Variants in ATG5 observed in about 807,000 individuals in gnomAD.
ATG5 encodes the protein autophagy protein 5.
Under a neutral mutation model 36.5 loss-of-function variants are expected in ATG5, and 14 were observed. That is an observed-to-expected ratio of 0.38 (90% CI 0.25 to 0.60). The LOEUF (loss-of-function observed/expected upper bound fraction) is 0.60, where lower values mean the gene tolerates loss of function less well. Ranked by LOEUF, ATG5 falls within the 20% of genes least tolerant of loss-of-function variation. The probability of loss-of-function intolerance (pLI) is 0.60; values close to 1 mark genes in which losing one functional copy is unlikely to be tolerated. For synonymous variants in ATG5, 95 were observed against 101.5 expected (o/e 0.94, Z 0.38); for missense variants, 195 against 326.7 (o/e 0.60, Z 3.11).
intron 5 of ATG5, among the ~76,000 whole-genome samples, chr6:106,255,110 A>G (rs1334447327): frequency 2.0e-5 from 3 of 152,216 alleles, no homozygotes. Context: ...ATCTCCAGCC[A>G]TATCATGTAA....
At chr6:106,195,882 G>C (rs1049585546) in intron 7 of ATG5, among the ~76,000 whole-genome samples, 2 of 148,928 alleles carry the variant, frequency 1.3e-5, no homozygotes, top group African/African-American at 4.9e-5. Flanking sequence ...TGTACACGTA[G>C]AGCAGCCTAG....
chr6:106,263,063 C>A (rs1403098417), intron 5 of ATG5, among the ~76,000 whole-genome samples: 1 of 152,220 alleles, frequency 6.6e-6, no homozygotes, highest in Non-Finnish European at 1.5e-5. Context: ...GGGTCCCACT[C>A]CTACGGAGCC....
chr6:106,294,880 C>T (rs1386331267), intron 3 of ATG5, among the ~76,000 whole-genome samples: 2 of 147,244 alleles, frequency 1.4e-5, no homozygotes, highest in South Asian at 2.2e-4. Context: ...GATGAACGCC[C>T]GGTCGGTAAA....
chr6:106,287,309 C>T (rs1295467705), intron 4 of ATG5, among the ~76,000 whole-genome samples: 1 of 152,196 alleles, frequency 6.6e-6, no homozygotes, highest in African/African-American at 2.4e-5. Flanking sequence ...CTTGCTCAGT[C>T]ACACAAAAAT....
chr6:106,318,377 C>T (rs1770938719), intron 1 of ATG5, among the ~76,000 whole-genome samples: 1 of 152,172 alleles, frequency 6.6e-6, no homozygotes, highest in Non-Finnish European at 1.5e-5. Flanking sequence ...TTCTCCCTTC[C>T]ACATGTCACG....
intron 3 of ATG5, among the ~76,000 whole-genome samples, chr6:106,294,184 A>G (rs915827631): frequency 6.6e-6 from 1 of 152,164 alleles, no homozygotes; most frequent in African/African-American, 2.4e-5. Flanking sequence ...AAAGAAGACT[A>G]CTTGGTGTTA....
chr6:106,324,735 C>G (rs1034165764), intron 1 of ATG5, among the ~76,000 whole-genome samples: 2 of 152,206 alleles, frequency 1.3e-5, no homozygotes, highest in African/African-American at 4.8e-5. Context: ...AGGCTTAAAT[C>G]TGGTGTAAAA....
At chr6:106,242,613 C>T (rs1778172963) in intron 6 of ATG5, among the ~76,000 whole-genome samples, 1 of 151,104 alleles carries the variant, frequency 6.6e-6, no homozygotes. Context: ...AGGAAAAATA[C>T]TATAAATAAC....
chr6:106,269,974 A>T (rs557082405), intron 5 of ATG5, among the ~76,000 whole-genome samples: 48 of 152,330 alleles, frequency 3.2e-4, no homozygotes, highest in African/African-American at 1.2e-3. Flanking sequence ...TCATTAGTAT[A>T]ATCTGTATTG....
chr6:106,313,453 T>C (rs1582689200), intron 2 of ATG5, among the ~76,000 whole-genome samples: 2 of 152,230 alleles, frequency 1.3e-5, no homozygotes, highest in African/African-American at 4.8e-5. Context: ...GGTCCAATCA[T>C]GATTTCCTCT....
chr6:106,250,098 T>C (rs1162174836), intron 5 of ATG5, among the ~76,000 whole-genome samples: 1 of 152,172 alleles, frequency 6.6e-6, no homozygotes, highest in Non-Finnish European at 1.5e-5. Flanking sequence ...TAATAAAATA[T>C]TTTATATTCA....
At chr6:106,287,327 G>A (rs1414258363) in intron 4 of ATG5, among the ~76,000 whole-genome samples, 2 of 152,182 alleles carry the variant, frequency 1.3e-5, no homozygotes, top group Non-Finnish European at 2.9e-5. Flanking sequence ...AATACTCAAG[G>A]AACAGTCAGG....
At chr6:106,258,493 T>C (rs954529614) in intron 5 of ATG5, among the ~76,000 whole-genome samples, 1 of 152,320 alleles carries the variant, frequency 6.6e-6, no homozygotes, top group South Asian at 2.1e-4. Context: ...CAATAACTTA[T>C]ACACTTGTAA....
At chr6:106,187,058 T>G (rs762224258) in intron 7 of ATG5, among the ~76,000 whole-genome samples, 38 of 152,202 alleles carry the variant, frequency 2.5e-4, no homozygotes, top group Non-Finnish European at 4.7e-4. Context: ...GACAAGTACA[T>G]GAAGTCGGTC....
At chr6:106,257,780 A>C (rs1778855849) in intron 5 of ATG5, among the ~76,000 whole-genome samples, 1 of 152,200 alleles carries the variant, frequency 6.6e-6, no homozygotes, top group Non-Finnish European at 1.5e-5. Flanking sequence ...TACATGGAAA[A>C]TACCTCTATA....
chr6:106,288,956 G>A (rs549058326), intron 4 of ATG5, among the ~76,000 whole-genome samples: 1 of 152,142 alleles, frequency 6.6e-6, no homozygotes, highest in Admixed American at 6.5e-5. Flanking sequence ...GTGTGGCAGA[G>A]GCAACAGGAT....
At chr6:106,242,257 T>C (rs113391640) in intron 6 of ATG5, among the ~76,000 whole-genome samples, 1 of 152,006 alleles carries the variant, frequency 6.6e-6, no homozygotes, top group African/African-American at 2.4e-5. Context: ...TGAGATTACA[T>C]GTGTGAGCCA....
chr6:106,318,602 T>G lies in ATG5; in HGVS notation c.-58-2336A>C, dbSNP rs148877741. 4.4e-3 allele frequency among the ~76,000 whole-genome samples: 676 copies of G among 152,320 alleles called. 4 individuals are homozygous for G. Among genetic ancestry groups the G allele is most frequent in the African/African-American group, 0.015 (638 of 41,576 alleles). On this transcript the variant is annotated intron_variant, in intron 1 of 7. Transcript: ENST00000369076. ...TACTTTATTTCCCATATACCATTGTTGCTTACATGTATATTTTTTGCAAGA... is the reference window on the plus strand; with the variant it reads ...TACTTTATTTCCCATATACCATTGTGGCTTACATGTATATTTTTTGCAAGA...
In ATG5 at chr6:106,296,319, G is replaced by A. The variant is rs573491272; in HGVS notation, c.237-3213C>T. ...ATTTTAGGGTCTTAATGATCTTATT[G>A]TTTCCTATGTATCAAAACATTTTAC... On this transcript the variant is annotated intron_variant, in intron 3 of 7. Coordinates refer to ENST00000369076, the MANE Select transcript of ATG5 (RefSeq NM_004849.4). Among the ~76,000 whole-genome samples, 123 of 151,790 alleles carry A rather than the reference G, an allele frequency of 8.1e-4. 3 individuals are homozygous for A. In the South Asian group the frequency reaches 0.025, roughly 31 times the overall value.
Sources: gnomAD v4.1 joint callset for allele counts (sites outside exome capture counted in the v4.1 genomes callset) on GRCh38, gnomAD v4.1.1 for gene constraint, MANE v1.5 for transcripts, NCBI Gene and HGNC (gene_info 2026-07-23, HGNC 2026-07-21) for gene names.